Variants in AFG2A observed in about 807,000 individuals in gnomAD.
AFG2A encodes ATPase family gene 2 protein homolog A.
the AFG2A span, among the ~76,000 whole-genome samples, chr4:123,224,598 T>C: frequency 1.3e-5 from 2 of 152,230 alleles, no homozygotes; most frequent in African/African-American, 4.8e-5. Context: ...ATTTTCTTAA[T>C]CCAGTCTATC....
chr4:122,949,433 C>T, the AFG2A span, among the ~76,000 whole-genome samples: 1 of 152,080 alleles, frequency 6.6e-6, no homozygotes, highest in African/African-American at 2.4e-5. Flanking sequence ...TCGAAGTGGC[C>T]CCAGGTACTC....
chr4:123,308,341 A>T, the AFG2A span, among the ~76,000 whole-genome samples: 1 of 152,196 alleles, frequency 6.6e-6, no homozygotes, highest in African/African-American at 2.4e-5. Context: ...AGAAGACCTG[A>T]CAACATCTGG....
At chr4:122,945,153 C>T in the AFG2A span, among the ~76,000 whole-genome samples, 4 of 152,286 alleles carry the variant, frequency 2.6e-5, no homozygotes, top group East Asian at 3.9e-4. Context: ...GGGAGAACCA[C>T]GGCTCTCTTC....
At chr4:123,014,116 CTGTTTTTAGTTTCCT>C in the AFG2A span, among the ~76,000 whole-genome samples, 17 of 152,258 alleles carry the variant, frequency 1.1e-4, no homozygotes, top group Admixed American at 2.0e-4. Flanking sequence ...TGTCTTCCCT[CTGTTTTTAGTTTCCT>C]TGTTTTTAGT....
the AFG2A span, among the ~76,000 whole-genome samples, chr4:123,296,122 G>A: frequency 1.3e-5 from 2 of 150,584 alleles, no homozygotes; most frequent in Non-Finnish European, 2.9e-5. Context: ...CACATGAAAA[G>A]AAGAGCAGCC....
At chr4:122,992,818 G>A in the AFG2A span, among the ~76,000 whole-genome samples, 1 of 152,132 alleles carries the variant, frequency 6.6e-6, no homozygotes, top group Non-Finnish European at 1.5e-5. Flanking sequence ...GGTGATTACA[G>A]TGACATTAAG....
chr4:123,090,650 A>G, the AFG2A span: 1 of 1,614,174 alleles, frequency 6.2e-7, no homozygotes, highest in Non-Finnish European at 8.5e-7. Context: ...GGGATTGAAC[A>G]GCTAAAGGAT....
the AFG2A span, among the ~76,000 whole-genome samples, chr4:122,997,072 A>C: frequency 1.8e-4 from 28 of 152,188 alleles, no homozygotes; most frequent in Non-Finnish European, 1.5e-5. Context: ...ATAATGCTTT[A>C]CTAGCTATTA....
the AFG2A span, among the ~76,000 whole-genome samples, chr4:122,937,808 T>G: frequency 6.6e-6 from 1 of 152,322 alleles, no homozygotes; most frequent in Non-Finnish European, 1.5e-5. Context: ...GGCCTCAGCT[T>G]CTGAATTGAT....
At chr4:123,057,303 A>G in the AFG2A span, 5 of 1,603,040 alleles carry the variant, frequency 3.1e-6, no homozygotes, top group Non-Finnish European at 4.3e-6. Context: ...GAAGTATTTA[A>G]TAGCACTGCT....
the AFG2A span, among the ~76,000 whole-genome samples, chr4:123,212,782 G>C: frequency 1.3e-5 from 2 of 152,118 alleles, no homozygotes; most frequent in Non-Finnish European, 2.9e-5. Flanking sequence ...GGATCCGACT[G>C]CTTGCTTCAA....
At chr4:122,966,065 G>T in the AFG2A span, among the ~76,000 whole-genome samples, 1 of 152,076 alleles carries the variant, frequency 6.6e-6, no homozygotes, top group Non-Finnish European at 1.5e-5. Flanking sequence ...ATAGCTCCAA[G>T]GATCTTTAAT....
the AFG2A span, among the ~76,000 whole-genome samples, chr4:122,988,064 AG>A: frequency 3.3e-4 from 10 of 30,426 alleles, no homozygotes; most frequent in African/African-American, 6.0e-4. Flanking sequence ...CTTTGTTGGC[AG>A]TTTTTTTTTT....
At chr4:123,314,765 T>A in the AFG2A span, 3 of 150,402 alleles carry the variant, frequency 2.0e-5, no homozygotes, top group Non-Finnish European at 3.0e-5. Flanking sequence ...GTCTTTTTTT[T>A]TTTTTTTTGA....
At chr4:123,198,222 T>C in the AFG2A span, among the ~76,000 whole-genome samples, 4 of 151,574 alleles carry the variant, frequency 2.6e-5, no homozygotes, top group East Asian at 1.9e-4. Flanking sequence ...TGAGCCAAGA[T>C]TGTGCCACTG....
At chr4:123,045,925 G>A in the AFG2A span, among the ~76,000 whole-genome samples, 7 of 151,760 alleles carry the variant, frequency 4.6e-5, no homozygotes, top group South Asian at 2.1e-4. Context: ...GTGGAACCCC[G>A]TCTCTACTAA....
the AFG2A span, chr4:123,318,960 G>A: frequency 6.6e-6 from 1 of 152,194 alleles, no homozygotes; most frequent in African/African-American, 2.4e-5. Context: ...TCTTTCGGAT[G>A]TCAGGGATAT....
At chr4:123,105,620 A>G in the AFG2A span, among the ~76,000 whole-genome samples, 1 of 152,172 alleles carries the variant, frequency 6.6e-6, no homozygotes, top group East Asian at 1.9e-4. Flanking sequence ...AAATACGTCA[A>G]CTTTAACAGG....
At chr4:123,281,197 G>A in the AFG2A span, among the ~76,000 whole-genome samples, 3 of 152,062 alleles carry the variant, frequency 2.0e-5, no homozygotes, top group African/African-American at 7.2e-5. Flanking sequence ...AAGGGAAAAA[G>A]GGTAGGAATC....
Sources: gnomAD v4.1 joint callset for allele counts (sites outside exome capture counted in the v4.1 genomes callset) on GRCh38, gnomAD v4.1.1 for gene constraint, MANE v1.5 for transcripts, NCBI Gene and HGNC (gene_info 2026-07-23, HGNC 2026-07-21) for gene names.